Variants in NEK4 observed in about 807,000 individuals in gnomAD.
NEK4 encodes the protein serine/threonine-protein kinase Nek4.
In NEK4, 86 loss-of-function variants were observed where a neutral mutation model predicts 98.4. The observed-to-expected ratio is 0.87, with a 90% CI of 0.73 to 1.05. The LOEUF is 1.05. Ranked by LOEUF, NEK4 falls within the 50% of genes least tolerant of loss-of-function variation. The probability of loss-of-function intolerance (pLI) is 0.00; values close to 1 mark genes in which losing one functional copy is unlikely to be tolerated. For missense variants in NEK4, 898 were observed against 950.3 expected (o/e 0.94, Z 0.72); for synonymous variants, 328 against 342.2 (o/e 0.96, Z 0.46).
chr3:52,732,256 C>T (rs544452146), intron 15 of NEK4, among the ~76,000 whole-genome samples: 15 of 152,188 alleles, frequency 9.9e-5, no homozygotes, highest in South Asian at 4.2e-4. Context: ...TGCAGTGGCG[C>T]GATCTTGGCT....
rs763256547 is a variant in NEK4, at chr3:52,744,266, G to A, written c.1867C>T (p.Gln623Ter). 1 of 1,613,744 alleles carries A rather than the reference G, an allele frequency of 6.2e-7. No individual in the cohort carries two copies. The highest frequency in any genetic ancestry group is 2.2e-5 in the East Asian group (1 of 44,878). Residue 623 changes from glutamine to a stop codon, truncating the protein, a stop_gained, in exon 11 of 16, where the codon CAG becomes TAG. Coordinates refer to ENST00000233027, the MANE Select transcript of NEK4 (RefSeq NM_003157.6). LOFTEE classifies it high-confidence loss of function. ...GAAGAGGACATTTCTTCCTGTGACTGCTTTAGTCGCCTCCTCTCTCTGGCT... is the reference window on the plus strand; with the variant it reads ...GAAGAGGACATTTCTTCCTGTGACTACTTTAGTCGCCTCCTCTCTCTGGCT... ...LSARERRRLK[Q>*]SQEEMSSSGP...
chr3:52,736,832 C>T (rs1355168648), intron 15 of NEK4, among the ~76,000 whole-genome samples: 1 of 152,166 alleles, frequency 6.6e-6, no homozygotes, highest in Non-Finnish European at 1.5e-5. Context: ...AGAAAACTAC[C>T]AATATAGAAA....
At chr3:52,763,979 A>G (rs1698452826) in intron 4 of NEK4, among the ~76,000 whole-genome samples, 1 of 152,224 alleles carries the variant, frequency 6.6e-6, no homozygotes, top group African/African-American at 2.4e-5. Flanking sequence ...ATAAATTATC[A>G]TGCATTCTTC....
chr3:52,714,294 T>C (rs1281057587), intron 15 of NEK4, among the ~76,000 whole-genome samples: 1 of 152,256 alleles, frequency 6.6e-6, no homozygotes, highest in African/African-American at 2.4e-5. Flanking sequence ...ATAAAAATTA[T>C]AGGAGGCCAT....
chr3:52,733,607 TA>T, intron 15 of NEK4: 1 of 508,566 alleles, frequency 2.0e-6, no homozygotes, highest in Non-Finnish European at 3.9e-6. Flanking sequence ...CTTACAAATG[TA>T]ACAAACGTTG....
intron 15 of NEK4, among the ~76,000 whole-genome samples, chr3:52,712,442 A>C (rs965267354): frequency 6.6e-6 from 1 of 152,110 alleles, no homozygotes; most frequent in Admixed American, 6.5e-5. Flanking sequence ...CTGAAGCCCC[A>C]GTGGGTGTGT....
chr3:52,747,523 T>G (rs13082208), intron 8 of NEK4: 53,962 of 151,226 alleles, frequency 0.36, 10,258 homozygotes, highest in Admixed American at 0.47. Flanking sequence ...TGAAATTAAA[T>G]CATAATGCAA....
intron 10 of NEK4, 58 bp from the exon 11 acceptor site, chr3:52,744,363 A>G: frequency 8.1e-7 from 1 of 1,232,874 alleles, no homozygotes; most frequent in Non-Finnish European, 1.2e-6. Flanking sequence ...TATAACACCT[A>G]CAATCCATGA....
At chr3:52,718,282 G>A (rs1019174822) in intron 15 of NEK4, among the ~76,000 whole-genome samples, 3 of 150,358 alleles carry the variant, frequency 2.0e-5, no homozygotes, top group African/African-American at 7.3e-5. Context: ...AGACCAGCCT[G>A]GCCAACATGG....
intron 1 of NEK4, 94 bp from the exon 2 acceptor site, chr3:52,768,698 C>G (rs1698671470): frequency 8.6e-7 from 1 of 1,169,262 alleles, no homozygotes. Flanking sequence ...ACCCTCAAAA[C>G]CAACCTTGTG....
intron 15 of NEK4, among the ~76,000 whole-genome samples, chr3:52,730,000 C>T (rs567404265): frequency 2.4e-4 from 37 of 151,988 alleles, no homozygotes; most frequent in Non-Finnish European, 4.4e-4. Flanking sequence ...CCCAGCTACT[C>T]GGGAGCCTGA....
chr3:52,734,024 C>G (rs1278112202), intron 15 of NEK4, among the ~76,000 whole-genome samples: 8 of 152,102 alleles, frequency 5.3e-5, no homozygotes, highest in African/African-American at 1.9e-4. Flanking sequence ...GAAAGGTAAC[C>G]TTACAAATGT....
chr3:52,750,945 A>T (rs1442483398), intron 7 of NEK4, among the ~76,000 whole-genome samples: 1 of 152,144 alleles, frequency 6.6e-6, no homozygotes, highest in Non-Finnish European at 1.5e-5. Context: ...AAAAAATGAA[A>T]TTTTTTTAAA....
At chr3:52,743,929 C>T (rs886173134) in intron 11 of NEK4, among the ~76,000 whole-genome samples, 12 of 152,176 alleles carry the variant, frequency 7.9e-5, no homozygotes, top group African/African-American at 2.7e-4. Flanking sequence ...GAACAGTGGA[C>T]ACTGGACATG....
chr3:52,739,170 T>TG, intron 14 of NEK4, among the ~76,000 whole-genome samples: 1 of 152,200 alleles, frequency 6.6e-6, no homozygotes, highest in Admixed American at 6.5e-5. Context: ...GAGGCCAAGG[T>TG]GGGAGGATCA....
chr3:52,743,296 A>T, intron 12 of NEK4, 56 bp downstream of exon 12: 2 of 1,380,908 alleles, frequency 1.4e-6, no homozygotes, highest in South Asian at 1.2e-5. Flanking sequence ...GGTTTACTGC[A>T]TTAGGCCTGC....
intron 15 of NEK4, among the ~76,000 whole-genome samples, chr3:52,721,429 G>A (rs1008376308): frequency 5.9e-5 from 9 of 152,052 alleles, no homozygotes; most frequent in African/African-American, 9.7e-5. Flanking sequence ...CATTGAAGGA[G>A]CAGGATGTTC....
rs1461213639 is a variant in NEK4, at chr3:52,741,425, C to A, written c.2079G>T (p.Gly693=). 2 of 1,600,646 alleles carry A rather than the reference C, an allele frequency of 1.2e-6. No individual in the cohort carries two copies. Among genetic ancestry groups the A allele is most frequent in the Admixed American group, 1.7e-5 (1 of 59,948 alleles). The change falls in exon 13 of 16, where the codon GGG becomes GGT. Residue 693 remains glycine, a synonymous_variant. Coordinates refer to ENST00000233027, the MANE Select transcript of NEK4 (RefSeq NM_003157.6). ...CAAGAACTTACCCTTCCCCGTAATC[C>A]CCATCTGACTTATCAGTTGAACTTG... ...SSTSSTDKSD[G]DYGEGKGQTN...
At chr3:52,730,515 T>C (rs1300602015) in intron 15 of NEK4, among the ~76,000 whole-genome samples, 2 of 152,248 alleles carry the variant, frequency 1.3e-5, no homozygotes, top group African/African-American at 4.8e-5. Context: ...ATATCCCTTA[T>C]GAACATTCAT....
Sources: allele counts gnomAD v4.1 joint callset (sites outside exome capture counted in the v4.1 genomes callset), GRCh38; gene constraint gnomAD v4.1.1; transcripts MANE v1.5; gene names NCBI Gene and HGNC (gene_info 2026-07-23, HGNC 2026-07-21).